LSAMP: variants seen among roughly 807,000 people sequenced by gnomAD.
LSAMP encodes the protein limbic system-associated membrane protein.
Under a neutral mutation model 38.6 loss-of-function variants are expected in LSAMP, and 7 were observed. The observed-to-expected ratio is 0.18, with a 90% confidence interval of 0.10 to 0.34. The LOEUF is 0.34. Among genes scored for constraint, LSAMP ranks in the 10% least tolerant of loss-of-function variants. The pLI is 1.00. For missense variants in LSAMP, 313 were observed against 420.0 expected, an observed-to-expected ratio of 0.75 and a Z score of 2.23; for synonymous variants, 154 against 166.8, an observed-to-expected ratio of 0.92 and a Z score of 0.59.
At chr3:115,874,608 A>G (rs1290698528) in intron 3 of LSAMP, among the ~76,000 whole-genome samples, 1 of 152,120 alleles carries the variant, frequency 6.6e-6, no homozygotes, top group Non-Finnish European at 1.5e-5. Context: ...TTGAGTGCCT[A>G]TTACAGGCCA....
At chr3:116,022,588 A>C (rs1405498585) in intron 2 of LSAMP, among the ~76,000 whole-genome samples, 1 of 152,172 alleles carries the variant, frequency 6.6e-6, no homozygotes, top group African/African-American at 2.4e-5. Context: ...ATTCTAGGAC[A>C]CCAAACTTGA....
chr3:116,071,942 T>G (rs1707615210), intron 2 of LSAMP, among the ~76,000 whole-genome samples: 1 of 151,622 alleles, frequency 6.6e-6, no homozygotes, highest in Non-Finnish European at 1.5e-5. Context: ...TTCCTTTTTG[T>G]GGCTGCATAG....
intron 3 of LSAMP, among the ~76,000 whole-genome samples, chr3:115,950,996 G>A (rs1324482478): frequency 6.6e-6 from 1 of 152,004 alleles, no homozygotes; most frequent in East Asian, 1.9e-4. Flanking sequence ...ACTGACATTT[G>A]ACAAAGCAAA....
chr3:116,365,943 G>A (rs1187319312), intron 1 of LSAMP, among the ~76,000 whole-genome samples: 2 of 94,200 alleles, frequency 2.1e-5, no homozygotes, highest in African/African-American at 9.1e-5. Flanking sequence ...CAGCGCACCA[G>A]CATGGCACAT....
chr3:116,182,634 T>A (rs1453204410), intron 1 of LSAMP, among the ~76,000 whole-genome samples: 1 of 151,738 alleles, frequency 6.6e-6, no homozygotes, highest in Non-Finnish European at 1.5e-5. Context: ...AAATCTTTCC[T>A]AATATTTCTA....
intron 1 of LSAMP, among the ~76,000 whole-genome samples, chr3:116,417,009 T>C (rs1179056619): frequency 6.6e-6 from 1 of 152,196 alleles, no homozygotes; most frequent in Non-Finnish European, 1.5e-5. Flanking sequence ...AATCTCTTTT[T>C]TCTTCCCCTA....
chr3:116,352,247 T>C (rs1434582569), intron 1 of LSAMP, among the ~76,000 whole-genome samples: 1 of 152,054 alleles, frequency 6.6e-6, no homozygotes, highest in Non-Finnish European at 1.5e-5. Flanking sequence ...ATCATTGATG[T>C]GGAATTAGTT....
At chr3:116,124,780 T>C (rs1267999960) in intron 1 of LSAMP, among the ~76,000 whole-genome samples, 4 of 152,196 alleles carry the variant, frequency 2.6e-5, no homozygotes, top group African/African-American at 4.8e-5. Context: ...ATGGACATGG[T>C]CATACACACT....
intron 1 of LSAMP, among the ~76,000 whole-genome samples, chr3:116,287,582 T>C (rs2047210537): frequency 6.6e-6 from 1 of 152,024 alleles, no homozygotes; most frequent in Non-Finnish European, 1.5e-5. Flanking sequence ...GAGTAAAATA[T>C]TAAGAATTCT....
chr3:116,264,750 T>C (rs776188052), intron 1 of LSAMP, among the ~76,000 whole-genome samples: 4 of 152,168 alleles, frequency 2.6e-5, no homozygotes, highest in African/African-American at 9.7e-5. Context: ...TAATGGTGCA[T>C]GCTATCTTGC....
At chr3:115,891,136 G>A (rs1198474606) in intron 3 of LSAMP, among the ~76,000 whole-genome samples, 1 of 151,958 alleles carries the variant, frequency 6.6e-6, no homozygotes, top group Non-Finnish European at 1.5e-5. Context: ...GGGAACCAGA[G>A]GCAGATTTAC....
chr3:116,176,241 T>C lies in LSAMP; in HGVS notation c.156-89685A>G, dbSNP rs1710335017. On this transcript the variant is annotated intron_variant, in intron 1 of 6. Coordinates refer to ENST00000490035, the MANE Select transcript of LSAMP (RefSeq NM_002338.5). ...ACCAGAAGCAGTAGAAAATGGAGGA[T>C]TTCATGAATTTATAAAAAATAACCT... 2.6e-5 allele frequency among the ~76,000 whole-genome samples: 4 copies of C among 152,062 alleles called. No individual in the cohort carries two copies. The South Asian group carries it at 8.3e-4, about 32-fold the overall frequency.
intron 1 of LSAMP, among the ~76,000 whole-genome samples, chr3:116,406,245 T>C (rs1170047296): frequency 3.3e-5 from 5 of 152,106 alleles, no homozygotes; most frequent in Non-Finnish European, 7.4e-5. Context: ...CAACCACCAA[T>C]GCTGAATAAA....
At chr3:116,023,163 T>G (rs1940685121) in intron 2 of LSAMP, among the ~76,000 whole-genome samples, 1 of 145,800 alleles carries the variant, frequency 6.9e-6, no homozygotes. Context: ...CATATGTGTG[T>G]GTGTCTCTCT....
intron 1 of LSAMP, among the ~76,000 whole-genome samples, chr3:116,232,658 G>A (rs886943800): frequency 2.2e-5 from 3 of 134,194 alleles, no homozygotes; most frequent in South Asian, 5.3e-4. Context: ...AATTTAAGGA[G>A]CATTTTCTTT....
At chr3:116,407,571 T>A (rs1231559716) in intron 1 of LSAMP, among the ~76,000 whole-genome samples, 1 of 152,176 alleles carries the variant, frequency 6.6e-6, no homozygotes, top group Non-Finnish European at 1.5e-5. Context: ...AGCCTGAGGA[T>A]GTGCATAAAA....
chr3:116,194,929 C>A lies in LSAMP; in HGVS notation c.156-108373G>T, dbSNP rs997719241. Among the ~76,000 whole-genome samples the A allele has an allele frequency of 3.5e-4, 53 of 152,172 alleles. 2 individuals are homozygous for A. The highest frequency in any genetic ancestry group is 5.9e-5 in the Non-Finnish European group (4 of 68,030). On this transcript the variant is annotated intron_variant, in intron 1 of 6. Coordinates refer to ENST00000490035, the MANE Select transcript of LSAMP (RefSeq NM_002338.5). ...ATACACTTCCATGCTGGTCCTTGACCTATTATTCTAAAAGTTATTCTTCAT... is the reference window on the plus strand; with the variant it reads ...ATACACTTCCATGCTGGTCCTTGACATATTATTCTAAAAGTTATTCTTCAT...
At chr3:116,242,355 T>C (rs890584677) in intron 1 of LSAMP, among the ~76,000 whole-genome samples, 1 of 152,158 alleles carries the variant, frequency 6.6e-6, no homozygotes, top group Non-Finnish European at 1.5e-5. Context: ...ATGGTAATTA[T>C]TAGAAAAGCA....
chr3:115,932,111 G>A (rs1441272721), intron 3 of LSAMP, among the ~76,000 whole-genome samples: 1 of 152,174 alleles, frequency 6.6e-6, no homozygotes, highest in East Asian at 1.9e-4. Flanking sequence ...ACAAAAAAAT[G>A]CTTTGATAAC....
Sources: gnomAD v4.1 joint callset for allele counts (sites outside exome capture counted in the v4.1 genomes callset) on GRCh38, gnomAD v4.1.1 for gene constraint, MANE v1.5 for transcripts, NCBI Gene and HGNC (gene_info 2026-07-23, HGNC 2026-07-21) for gene names.